Variants in CPAMD8 observed in about 807,000 individuals in gnomAD.
CPAMD8 encodes the protein C3 and PZP like alpha-2-macroglobulin domain containing 8.
CPAMD8 carries 146 observed loss-of-function variants against 224.7 expected under a neutral mutation model. The ratio of observed to expected loss-of-function variants is 0.65; its 90% CI spans 0.57 to 0.75. CPAMD8 has a LOEUF of 0.75. Among genes scored for constraint, CPAMD8 ranks in the 30% least tolerant of loss-of-function variants. The pLI, the probability that CPAMD8 is intolerant of heterozygous loss-of-function variation, is 0.00. For missense variants in CPAMD8, 2,301 were observed against 2,537.5 expected (o/e 0.91, Z 2.00); for synonymous variants, 966 against 1,044.6 (o/e 0.92, Z 1.45).
At chr19:17,006,429 G>A (rs2056493952) in intron 7 of CPAMD8, among the ~76,000 whole-genome samples, 1 of 151,890 alleles carries the variant, frequency 6.6e-6, no homozygotes, top group African/African-American at 2.4e-5. Flanking sequence ...AGGCTGAGGT[G>A]GGAGGATCAC....
intron 18 of CPAMD8, among the ~76,000 whole-genome samples, chr19:16,958,727 C>T (rs1442365113): frequency 6.6e-6 from 1 of 152,118 alleles, no homozygotes; most frequent in African/African-American, 2.4e-5. Context: ...AACTAATTTA[C>T]ACTCCCATCA....
intron 13 of CPAMD8, among the ~76,000 whole-genome samples, chr19:16,981,361 C>CAA (rs139294536): frequency 6.7e-6 from 1 of 149,710 alleles, no homozygotes; most frequent in African/African-American, 2.4e-5. Context: ...ACCCTGTCTC[C>CAA]AAAAAAAAAT....
chr19:16,947,354 C>G, intron 20 of CPAMD8, 127 bp from the exon 21 acceptor site: 1 of 1,195,538 alleles, frequency 8.4e-7, no homozygotes, highest in Non-Finnish European at 1.2e-6. Context: ...GAGCCATGCT[C>G]CCCCCGGGAA....
intron 41 of CPAMD8, chr19:16,894,921 A>AAAACACACACAC (rs1555749603): frequency 6.6e-6 from 1 of 151,572 alleles, no homozygotes; most frequent in Admixed American, 6.8e-5. Flanking sequence ...CCATCTCTAC[A>AAAACACACACAC]ACACACACAC....
intron 27 of CPAMD8, among the ~76,000 whole-genome samples, chr19:16,916,123 C>T (rs2144851153): frequency 6.6e-6 from 1 of 152,132 alleles, no homozygotes; most frequent in Non-Finnish European, 1.5e-5. Context: ...AAGCGATTCT[C>T]CCACTTCAGC....
Position 17,002,315 on chromosome 19 carries a change from G to C in CPAMD8, c.709C>G (p.Arg237Gly). Residue 237 changes from arginine to glycine, a missense_variant, in exon 9 of 42, where the codon CGG (arginine) becomes GGG (glycine). Coordinates refer to ENST00000443236, the MANE Select transcript of CPAMD8 (RefSeq NM_015692.5). ...CAGGCGTCCAGGTCTTGGATATACC[G>C]GGGCGGGTCAATCAGAAGCTCAAAC... ...PKFELLIDPP[R>G]YIQDLDACET... The C allele has an allele frequency of 6.2e-7, 1 of 1,606,374 alleles. No individual in the cohort carries two copies. Among genetic ancestry groups the C allele is most frequent in the Non-Finnish European group, 8.5e-7 (1 of 1,175,600 alleles).
chr19:16,899,666 G>C lies in CPAMD8; in HGVS notation c.4774-117C>G. 1 of 671,020 alleles carries C rather than the reference G, an allele frequency of 1.5e-6. No individual in the cohort carries two copies. The highest frequency in any genetic ancestry group is 1.5e-5 in the South Asian group (1 of 64,910). The allele number at this position is 671,020 out of a possible 1,614,324, so 41.6% of individuals were successfully genotyped here. ...TTGCCCACAAGTTACCATGGGCTGG[G>C]GTCTGGGTGCTGGTCAGTGCTCCCC... On this transcript the variant is annotated intron_variant, in intron 36 of 41. Transcript: ENST00000443236. The surrounding 1 kb of genome is among the most constrained non-coding windows in gnomAD (Gnocchi z 5.4).
chr19:17,020,946 A>T (rs2056938105), intron 2 of CPAMD8, among the ~76,000 whole-genome samples: 1 of 152,142 alleles, frequency 6.6e-6, no homozygotes, highest in African/African-American at 2.4e-5. Flanking sequence ...CAAGCTCTCC[A>T]TCCACCTTCC....
At chr19:16,999,459 C>G (rs1396763358) in intron 10 of CPAMD8, among the ~76,000 whole-genome samples, 2 of 151,746 alleles carry the variant, frequency 1.3e-5, no homozygotes, top group Admixed American at 1.3e-4. Flanking sequence ...GTGGTGGGCA[C>G]CTATAGTCCC....
At chr19:16,998,386 G>A (rs1034598176) in intron 10 of CPAMD8, among the ~76,000 whole-genome samples, 3 of 152,216 alleles carry the variant, frequency 2.0e-5, no homozygotes, top group Admixed American at 6.5e-5. Flanking sequence ...CCTGAACCCA[G>A]GAGGCAGAGG....
chr19:16,938,038 C>T (rs73016309), intron 23 of CPAMD8, among the ~76,000 whole-genome samples: 17,703 of 152,260 alleles, frequency 0.12, 1,128 homozygotes, highest in East Asian at 0.2. Context: ...CCACCTTCCT[C>T]AGGATCCCAA....
chr19:16,896,729 C>T, intron 39 of CPAMD8, 64 bp from the exon 40 acceptor site: 1 of 1,191,660 alleles, frequency 8.4e-7, no homozygotes, highest in Non-Finnish European at 1.1e-6. Flanking sequence ...CCCACAGAAC[C>T]TGGGGGTGGG....
chr19:16,976,115 C>G lies in CPAMD8; in HGVS notation c.1795G>C (p.Gly599Arg). The change falls in exon 16 of 42, where the codon GGG (glycine) becomes CGG (arginine). Residue 599 changes from glycine to arginine, a missense_variant. Transcript: ENST00000443236. ...CTGATCCGCAGGTCGACAACCTCCC[C>G]AGGTTGGGTCTCATTTGCTGAATAC... The part of the protein sequence containing the change: ...VTYSANETQP[G>R]EVVDLRIRAA... The G allele has an allele frequency of 1.2e-6, 2 of 1,612,426 alleles. No homozygotes were observed. The highest frequency in any genetic ancestry group is 1.7e-6 in the Non-Finnish European group (2 of 1,179,076).
chr19:16,902,806 C>G lies in CPAMD8; in HGVS notation c.4528G>C (p.Val1510Leu). ...TGGGCCTCAGGCTCCTGGAGGCTTACGAGCAGCTGGAAAGCTGGCTTGGCC... is the reference window on the plus strand; with the variant it reads ...TGGGCCTCAGGCTCCTGGAGGCTTAGGAGCAGCTGGAAAGCTGGCTTGGCC... ...PVAKPAFQLL[V>L]SLQEPEAQGR... The change falls in exon 35 of 42, where the codon GTA becomes CTA. Residue 1510 changes from valine to leucine, a missense_variant. Around this residue, in one of 4 missense-constraint regions of CPAMD8, gnomAD observed 1,709 missense variants for 1,753.2 expected, o/e 0.97. Coordinates refer to ENST00000443236, the MANE Select transcript of CPAMD8 (RefSeq NM_015692.5). 6.4e-7 allele frequency: 1 copy of G among 1,573,878 alleles called. No homozygotes were observed. Among genetic ancestry groups the G allele is most frequent in the Non-Finnish European group, 8.6e-7 (1 of 1,156,350 alleles).
At chr19:16,988,466 C>T (rs1442990636) in intron 13 of CPAMD8, among the ~76,000 whole-genome samples, 1 of 152,018 alleles carries the variant, frequency 6.6e-6, no homozygotes, top group African/African-American at 2.4e-5. Context: ...AAAGATTAGC[C>T]AGGCATTGTG....
intron 23 of CPAMD8, among the ~76,000 whole-genome samples, chr19:16,932,225 G>C (rs1034044054): frequency 6.6e-6 from 1 of 152,176 alleles, no homozygotes; most frequent in African/African-American, 2.4e-5. Flanking sequence ...TTCAAGACCA[G>C]CCTGGGCAAC....
intron 20 of CPAMD8, among the ~76,000 whole-genome samples, chr19:16,948,905 AG>A (rs2054205011): frequency 1.3e-5 from 1 of 79,332 alleles, no homozygotes; most frequent in African/African-American, 5.3e-5. Context: ...AGGGAAGGGA[AG>A]GGAAGGGAAA....
intron 8 of CPAMD8, among the ~76,000 whole-genome samples, chr19:17,002,905 C>CTTTTTTTTT (rs376741138): frequency 7.5e-6 from 1 of 133,450 alleles, no homozygotes; most frequent in Non-Finnish European, 1.6e-5. Flanking sequence ...CTTTTCTTTT[C>CTTTTTTTTT]TTTTCTTTTT....
At chr19:17,025,128 G>A (rs562070797) in intron 1 of CPAMD8, among the ~76,000 whole-genome samples, 34 of 152,194 alleles carry the variant, frequency 2.2e-4, no homozygotes, top group African/African-American at 7.9e-4. Context: ...ACTCTCTAAC[G>A]GGCCAGGCAC....
Sources: allele counts gnomAD v4.1 joint callset (sites outside exome capture counted in the v4.1 genomes callset), GRCh38; gene constraint gnomAD v4.1.1; regional missense constraint gnomAD v4.1.1; non-coding constraint Gnocchi (gnomAD v3.1); transcripts MANE v1.5; gene names NCBI Gene and HGNC (gene_info 2026-07-23, HGNC 2026-07-21).